Variants in LIMCH1 observed in about 807,000 individuals in gnomAD.
LIMCH1 encodes the protein LIM and calponin homology domains-containing protein 1.
In LIMCH1, 113 loss-of-function variants were observed where a neutral mutation model predicts 176.5. The observed-to-expected ratio is 0.64, with a 90% CI of 0.55 to 0.75. LIMCH1 has a LOEUF of 0.75. Ranked by LOEUF, LIMCH1 falls within the 30% of genes least tolerant of loss-of-function variation. The pLI is 0.00. For missense variants in LIMCH1, 1,674 were observed against 1,814.9 expected, an observed-to-expected ratio of 0.92 and a Z score of 1.41; for synonymous variants, 619 against 645.9, an observed-to-expected ratio of 0.96 and a Z score of 0.63.
chr4:41,494,990 T>C (rs2071825219), intron 2 of LIMCH1, among the ~76,000 whole-genome samples: 1 of 152,248 alleles, frequency 6.6e-6, no homozygotes, highest in Non-Finnish European at 1.5e-5. Flanking sequence ...ACAGTGCTTC[T>C]ATATACTTAC....
intron 1 of LIMCH1, among the ~76,000 whole-genome samples, chr4:41,569,071 A>T (rs1440872901): frequency 6.6e-6 from 1 of 152,210 alleles, no homozygotes; most frequent in Non-Finnish European, 1.5e-5. Flanking sequence ...AACTGATAAG[A>T]ATTGACTGTG....
At chr4:41,585,807 C>A (rs1047895015) in intron 1 of LIMCH1, among the ~76,000 whole-genome samples, 3 of 152,144 alleles carry the variant, frequency 2.0e-5, no homozygotes, top group Non-Finnish European at 4.4e-5. Context: ...CAACTCATCT[C>A]AGACTGATAC....
Position 41,360,918 on chromosome 4 carries a change from G to T in LIMCH1, c.78G>T (p.Glu26Asp). 1 of 1,585,276 alleles carries T rather than the reference G, an allele frequency of 6.3e-7. No homozygotes were observed. The highest frequency in any genetic ancestry group is 1.7e-4 in the Middle Eastern group (1 of 5,756). ...CGCCCCCCGAGCCCGCCTTCTCCGA[G>T]GCGCAGAAGTGGATTGAGGTAGGTG... is the stretch of plus-strand genomic sequence containing the variant. The change falls in exon 1 of 27, where the codon GAG (glutamate) becomes GAT (aspartate). Residue 26 changes from glutamate to aspartate, a missense_variant. Coordinates refer to the LIMCH1 transcript ENST00000313860. The surrounding 1 kb of genome is among the most constrained non-coding windows in gnomAD (Gnocchi z 4.5).
intron 1 of LIMCH1, among the ~76,000 whole-genome samples, chr4:41,577,456 G>T (rs540445474): frequency 2.6e-5 from 4 of 152,108 alleles, no homozygotes; most frequent in Non-Finnish European, 4.4e-5. Flanking sequence ...TTGAGACAAG[G>T]TCTTGCTCTC....
intron 1 of LIMCH1, among the ~76,000 whole-genome samples, chr4:41,484,141 T>A (rs891812319): frequency 1.3e-5 from 2 of 152,232 alleles, no homozygotes; most frequent in Admixed American, 1.3e-4. Context: ...ATTCAGCTAT[T>A]TCTTCAGTTA....
chr4:41,415,659 T>C (rs2059856179), intron 1 of LIMCH1, among the ~76,000 whole-genome samples: 1 of 152,124 alleles, frequency 6.6e-6, no homozygotes, highest in Non-Finnish European at 1.5e-5. Context: ...ATGTGTCTGG[T>C]ACTGCTATTT....
chr4:41,423,838 G>A (rs909438351), intron 1 of LIMCH1, among the ~76,000 whole-genome samples: 2 of 152,074 alleles, frequency 1.3e-5, no homozygotes, highest in Non-Finnish European at 2.9e-5. Context: ...TTTAATATGG[G>A]AAAGATTGGA....
chr4:41,361,129 G>T (rs1056729424), intron 1 of LIMCH1, among the ~76,000 whole-genome samples: 2 of 152,208 alleles, frequency 1.3e-5, no homozygotes, highest in Non-Finnish European at 1.5e-5. Flanking sequence ...TCCCGGGCGA[G>T]GGTGGGCGTG....
intron 1 of LIMCH1, among the ~76,000 whole-genome samples, chr4:41,408,313 C>T (rs1479085429): frequency 2.0e-5 from 3 of 152,170 alleles, no homozygotes; most frequent in African/African-American, 7.2e-5. Context: ...CAGTAAAAGA[C>T]TCGCCCTGAG....
At chr4:41,557,320 A>G (rs1174525217) in intron 1 of LIMCH1, among the ~76,000 whole-genome samples, 1 of 152,156 alleles carries the variant, frequency 6.6e-6, no homozygotes, top group Non-Finnish European at 1.5e-5. Context: ...GAAGCTTCGT[A>G]AAAAGGGTTA....
At chr4:41,559,346 C>T (rs2081747986) in intron 1 of LIMCH1, among the ~76,000 whole-genome samples, 2 of 152,118 alleles carry the variant, frequency 1.3e-5, no homozygotes, top group Admixed American at 6.6e-5. Flanking sequence ...GGTGCCTCCT[C>T]CCTGTCTTGA....
intron 1 of LIMCH1, among the ~76,000 whole-genome samples, chr4:41,439,691 T>G (rs1248619991): frequency 1.3e-5 from 2 of 151,112 alleles, no homozygotes; most frequent in African/African-American, 2.4e-5. Flanking sequence ...GATCACGAGG[T>G]CAGGAGTTAG....
chr4:41,494,361 A>G (rs2154175476), intron 1 of LIMCH1, among the ~76,000 whole-genome samples: 1 of 150,512 alleles, frequency 6.6e-6, no homozygotes, highest in East Asian at 1.9e-4. Flanking sequence ...ATACGTACAC[A>G]TACACATACA....
chr4:41,592,619 G>T (rs7674730), intron 1 of LIMCH1, among the ~76,000 whole-genome samples: 53,028 of 151,922 alleles, frequency 0.35, 14,814 homozygotes, highest in African/African-American at 0.78. Flanking sequence ...ATAACTCCCA[G>T]ACAATGAGTG....
chr4:41,558,511 C>T (rs2081606722), intron 1 of LIMCH1, among the ~76,000 whole-genome samples: 3 of 152,084 alleles, frequency 2.0e-5, no homozygotes, highest in Admixed American at 2.0e-4. Context: ...CATATCCTGT[C>T]CCTCATTTCT....
chr4:41,422,707 GT>G (rs1459615632), intron 1 of LIMCH1, among the ~76,000 whole-genome samples: 3 of 152,022 alleles, frequency 2.0e-5, no homozygotes, highest in Non-Finnish European at 4.4e-5. Context: ...CCAGATTGTG[GT>G]TTTCCTGTGT....
At chr4:41,533,230 C>T (rs2077514955), upstream of LIMCH1, among the ~76,000 whole-genome samples, 8 of 152,192 alleles carry the variant, frequency 5.3e-5, no homozygotes. Context: ...CCTTTATAAC[C>T]TAATCTCTGA....
At chr4:41,461,564 T>C (rs1372921195) in intron 1 of LIMCH1, among the ~76,000 whole-genome samples, 2 of 152,166 alleles carry the variant, frequency 1.3e-5, no homozygotes. Context: ...ACGAGTACAG[T>C]GTTAGCTTAC....
At chr4:41,649,217 T>G (rs1194064658) in intron 17 of LIMCH1, among the ~76,000 whole-genome samples, 2 of 152,044 alleles carry the variant, frequency 1.3e-5, no homozygotes, top group African/African-American at 4.8e-5. Context: ...CTGGACAACA[T>G]GATGAAACCC....
Sources: gnomAD v4.1 joint callset for allele counts (sites outside exome capture counted in the v4.1 genomes callset) on GRCh38, gnomAD v4.1.1 for gene constraint, Gnocchi (gnomAD v3.1) non-coding constraint, MANE v1.5 for transcripts, NCBI Gene and HGNC (gene_info 2026-07-23, HGNC 2026-07-21) for gene names.